GRIA3: variants seen among roughly 807,000 people sequenced by gnomAD.
The protein encoded by GRIA3 is glutamate receptor 3.
GRIA3 carries 3 observed loss-of-function variants against 63.0 expected under a neutral mutation model. That is an observed-to-expected ratio of 0.05 (90% CI 0.02 to 0.12). GRIA3 has a LOEUF of 0.12. Among genes scored for constraint, GRIA3 ranks in the 10% least tolerant of loss-of-function variants. The pLI is 1.00. For missense variants in GRIA3, 347 were observed against 700.9 expected, an observed-to-expected ratio of 0.50 and a Z score of 5.70; for synonymous variants, 274 against 257.9, an observed-to-expected ratio of 1.06 and a Z score of -0.60.
At position 123,317,607 on chromosome X, in the gene GRIA3, A is replaced by T. The variant is rs768217685; in HGVS notation, c.509-8419A>T. On this transcript the variant is annotated intron_variant, in intron 3 of 15. Transcript: ENST00000620443. ...AGTCAAATTTTAAAGCTCCAAAATG[A>T]TCTCCTTTGACTCCAGGTCACACTG... is the stretch of plus-strand genomic sequence containing the variant. 2.7e-5 allele frequency among the ~76,000 whole-genome samples: 3 copies of T among 112,057 alleles called. No individual in the cohort carries two copies. The South Asian group carries it at 1.1e-3, about 42-fold the overall frequency.
intron 4 of GRIA3, among the ~76,000 whole-genome samples, chrX:123,350,172 C>T (rs2045084447): frequency 9.0e-6 from 1 of 111,468 alleles, no homozygotes; most frequent in African/African-American, 3.3e-5. Context: ...ATCCCCCACA[C>T]CCACACTTCT....
intron 4 of GRIA3, among the ~76,000 whole-genome samples, chrX:123,341,687 A>G (rs773508429): frequency 3.6e-5 from 4 of 112,597 alleles, no homozygotes; most frequent in Non-Finnish European, 7.5e-5. Context: ...AAATTAGAAT[A>G]TCACGTACCA....
intron 4 of GRIA3, among the ~76,000 whole-genome samples, chrX:123,341,732 A>AG (rs1323092281): frequency 1.8e-5 from 2 of 112,492 alleles, no homozygotes; most frequent in Non-Finnish European, 3.8e-5. Flanking sequence ...ATTGCCCACT[A>AG]TAATCCTTTC....
At chrX:123,287,245 G>T (rs892077426) in intron 3 of GRIA3, among the ~76,000 whole-genome samples, 46 of 111,591 alleles carry the variant, frequency 4.1e-4, no homozygotes, top group African/African-American at 1.4e-3. Context: ...CAATAAACTA[G>T]GTATTGAAGG....
At chrX:123,463,686 G>A (rs199676206) in intron 12 of GRIA3, among the ~76,000 whole-genome samples, 30 of 50,896 alleles carry the variant, frequency 5.9e-4, no homozygotes, top group East Asian at 1.7e-3. Context: ...GAAAGAAAGA[G>A]AGAGAAAGAA....
chrX:123,424,406 T>C (rs1455204591), intron 11 of GRIA3, among the ~76,000 whole-genome samples: 1 of 111,645 alleles, frequency 9.0e-6, no homozygotes, highest in African/African-American at 3.3e-5. Context: ...AGTGAAAGGA[T>C]TGAGGCGCTT....
At chrX:123,437,197 T>C (rs189763441) in intron 12 of GRIA3, among the ~76,000 whole-genome samples, 1 of 109,482 alleles carries the variant, frequency 9.1e-6, no homozygotes, top group East Asian at 2.8e-4. Context: ...ATGTTTATCA[T>C]AGCAATTTAG....
At chrX:123,277,104 C>CT (rs1471217597) in intron 3 of GRIA3, among the ~76,000 whole-genome samples, 7 of 105,611 alleles carry the variant, frequency 6.6e-5, no homozygotes, top group African/African-American at 2.4e-4. Context: ...TTTTTTTTAA[C>CT]TTTTTTTTTA....
At chrX:123,406,832 T>C (rs1569431717) in intron 10 of GRIA3, among the ~76,000 whole-genome samples, 1 of 111,814 alleles carries the variant, frequency 8.9e-6, no homozygotes, top group African/African-American at 3.3e-5. Flanking sequence ...TCATGATTTC[T>C]GAGGACCCTG....
At chrX:123,390,679 T>C (rs2045381728) in intron 5 of GRIA3, among the ~76,000 whole-genome samples, 1 of 112,385 alleles carries the variant, frequency 8.9e-6, no homozygotes, top group South Asian at 3.7e-4. Flanking sequence ...TCTAAATCTT[T>C]TGCTACATCT....
intron 13 of GRIA3, among the ~76,000 whole-genome samples, chrX:123,467,847 A>AT (rs1299812669): frequency 8.9e-6 from 1 of 112,164 alleles, no homozygotes; most frequent in Non-Finnish European, 1.9e-5. Context: ...TAGACCAGCT[A>AT]TTTTTTCATT....
chrX:123,289,240 A>AG (rs2044640851), intron 3 of GRIA3, among the ~76,000 whole-genome samples: 1 of 110,081 alleles, frequency 9.1e-6, no homozygotes, highest in Admixed American at 9.7e-5. Context: ...GGACACAGAA[A>AG]GGGGAACATC....
chrX:123,463,668 GAA>G lies in GRIA3; in HGVS notation c.2077-1195_2077-1194del, dbSNP rs1556333505. Among the ~76,000 whole-genome samples the G allele has an allele frequency of 9.4e-3, 463 of 49,197 alleles. 28 individuals are homozygous for G. The highest frequency in any genetic ancestry group is 0.029 in the African/African-American group (202 of 6,950). 42.7% of individuals were successfully genotyped at this position (49,197 alleles called of 115,157 possible). A position where few individuals can be genotyped will look rare whatever the true frequency, so the allele number is the denominator to read the frequency against. On this transcript the variant is annotated intron_variant, in intron 12 of 15. Coordinates refer to ENST00000620443, the MANE Select transcript of GRIA3 (RefSeq NM_007325.5). ...AGAAAGAAAGAAAGAAAGAAAGAAA[GAA>G]AGAAAGAAAGAAAGAGAGAGAAAGA... is the stretch of plus-strand genomic sequence containing the variant.
intron 2 of GRIA3, among the ~76,000 whole-genome samples, chrX:123,214,160 T>C (rs1928104617): frequency 8.9e-6 from 1 of 112,518 alleles, no homozygotes; most frequent in African/African-American, 3.2e-5. Flanking sequence ...AGCCTTGTGT[T>C]CTGAATTTAG....
intron 6 of GRIA3, 53 bp downstream of exon 6, chrX:123,395,182 A>C: frequency 4.0e-6 from 4 of 999,904 alleles, no homozygotes; most frequent in Non-Finnish European, 5.7e-6. Context: ...AAAGTATCTC[A>C]GTATGATCTT....
chrX:123,486,811 A>G (rs1326980338), intron 15 of GRIA3, among the ~76,000 whole-genome samples: 3 of 112,045 alleles, frequency 2.7e-5, no homozygotes, highest in Non-Finnish European at 5.6e-5. Context: ...GGGCACCGAC[A>G]TCAAGAGGTA....
intron 3 of GRIA3, among the ~76,000 whole-genome samples, chrX:123,258,243 G>A (rs1310514597): frequency 1.8e-5 from 2 of 112,386 alleles, no homozygotes; most frequent in Non-Finnish European, 3.8e-5. Context: ...GTCTTTCTCT[G>A]CTAGTGACAA....
At chrX:123,472,223 T>C (rs1458139383) in intron 13 of GRIA3, among the ~76,000 whole-genome samples, 1 of 105,655 alleles carries the variant, frequency 9.5e-6, no homozygotes, top group Admixed American at 1.0e-4. Context: ...GGGATGGCTA[T>C]TGGAGAATAA....
chrX:123,227,497 T>C (rs1445168076), intron 2 of GRIA3, among the ~76,000 whole-genome samples: 1 of 111,775 alleles, frequency 8.9e-6, no homozygotes, highest in East Asian at 2.8e-4. Flanking sequence ...GGCCAGCAAG[T>C]GTTGATAAGT....
Sources: gnomAD v4.1 joint callset for allele counts (sites outside exome capture counted in the v4.1 genomes callset) on GRCh38, gnomAD v4.1.1 for gene constraint, MANE v1.5 for transcripts, NCBI Gene and HGNC (gene_info 2026-07-23, HGNC 2026-07-21) for gene names.